Variants in TNNI3K observed in about 807,000 individuals in gnomAD.
The protein encoded by TNNI3K is TNNI3 interacting kinase.
TNNI3K carries 140 observed loss-of-function variants against 114.5 expected under a neutral mutation model. That is an observed-to-expected ratio of 1.22 (90% CI 1.07 to 1.41). TNNI3K has a LOEUF of 1.41. TNNI3K is among the 40% of genes most tolerant of loss of function. The pLI is 0.00. For missense variants in TNNI3K, 1,125 were observed against 1,007.6 expected, an observed-to-expected ratio of 1.12 and a Z score of -1.58; for synonymous variants, 347 against 347.5, an observed-to-expected ratio of 1.00 and a Z score of 0.02.
intron 9 of TNNI3K, among the ~76,000 whole-genome samples, 166 bp from the exon 10 acceptor site, chr1:74,353,100 C>A (rs978521074): frequency 6.6e-6 from 1 of 152,158 alleles, no homozygotes. Flanking sequence ...TGGCTCCACC[C>A]CTCTTAAGTA....
chr1:74,445,832 G>A lies in TNNI3K; in HGVS notation c.2011+6210G>A, dbSNP rs568303499. On this transcript the variant is annotated intron_variant, in intron 20 of 24. Coordinates refer to ENST00000326637, the MANE Select transcript of TNNI3K (RefSeq NM_015978.3). ...TCACCATTTTAGCCAGGATGGTCTC[G>A]ATCTCCTGACCTCGTGATCCGCCCA... Among the ~76,000 whole-genome samples the A allele has an allele frequency of 5.3e-5, 8 of 151,932 alleles. No individual in the cohort carries two copies. The East Asian group carries it at 1.2e-3, about 22-fold the overall frequency.
intron 2 of TNNI3K, among the ~76,000 whole-genome samples, chr1:74,239,006 T>C (rs1372744694): frequency 6.6e-6 from 1 of 152,112 alleles, no homozygotes; most frequent in East Asian, 1.9e-4. Context: ...ATAAAAATGA[T>C]ACTTCTAAAG....
chr1:74,388,705 G>C (rs1663615363), intron 17 of TNNI3K, among the ~76,000 whole-genome samples: 2 of 151,956 alleles, frequency 1.3e-5, no homozygotes, highest in South Asian at 4.2e-4. Flanking sequence ...AAGGAAAACG[G>C]TTCTCATATT....
At chr1:74,322,713 G>A (rs1358714379) in intron 5 of TNNI3K, among the ~76,000 whole-genome samples, 2 of 151,806 alleles carry the variant, frequency 1.3e-5, no homozygotes, top group Non-Finnish European at 2.9e-5. Flanking sequence ...TGCCCACCTC[G>A]GCCTCCCAAA....
chr1:74,449,956 T>G (rs1391130806), intron 20 of TNNI3K, among the ~76,000 whole-genome samples: 2 of 78,488 alleles, frequency 2.5e-5, no homozygotes, highest in Non-Finnish European at 4.9e-5. Flanking sequence ...ATATACATTT[T>G]TTTCAGCACC....
At chr1:74,306,030 G>A (rs1228537631) in intron 5 of TNNI3K, among the ~76,000 whole-genome samples, 1 of 152,118 alleles carries the variant, frequency 6.6e-6, no homozygotes, top group African/African-American at 2.4e-5. Flanking sequence ...CTCACTTTTG[G>A]AAACCTCAGT....
chr1:74,248,110 T>G (rs1654699054), intron 2 of TNNI3K, among the ~76,000 whole-genome samples: 1 of 152,098 alleles, frequency 6.6e-6, no homozygotes, highest in African/African-American at 2.4e-5. Context: ...GGGCTGGCAG[T>G]GCTGGGGGAC....
intron 2 of TNNI3K, chr1:74,240,109 T>A (rs1654098053): frequency 3.2e-6 from 1 of 311,104 alleles, no homozygotes; most frequent in Non-Finnish European, 6.6e-6. Flanking sequence ...CTACATGGTG[T>A]TGTTTTTATC....
intron 21 of TNNI3K, chr1:74,480,388 A>G (rs1249552620): frequency 2.8e-6 from 2 of 717,560 alleles, no homozygotes; most frequent in Non-Finnish European, 5.2e-6. Context: ...GAGCAAGGGG[A>G]TGGAGATCAC....
chr1:74,367,491 T>A, intron 12 of TNNI3K, 149 bp downstream of exon 12: 3 of 809,436 alleles, frequency 3.7e-6, no homozygotes, highest in Non-Finnish European at 5.6e-6. Context: ...ACCTTATGTC[T>A]GGGAGAGGCT....
intron 23 of TNNI3K, among the ~76,000 whole-genome samples, chr1:74,510,625 A>G (rs952745902): frequency 3.3e-5 from 5 of 152,240 alleles, no homozygotes; most frequent in Admixed American, 3.3e-4. Context: ...CAAAACTACC[A>G]ACTACCAGAT....
chr1:74,445,123 G>A (rs1666576777), intron 20 of TNNI3K, among the ~76,000 whole-genome samples: 1 of 151,602 alleles, frequency 6.6e-6, no homozygotes, highest in Non-Finnish European at 1.5e-5. Context: ...CATAGGCATG[G>A]ACAAAGATTT....
At chr1:74,289,375 A>C (rs577773550) in intron 5 of TNNI3K, among the ~76,000 whole-genome samples, 81 of 152,132 alleles carry the variant, frequency 5.3e-4, no homozygotes, top group African/African-American at 1.9e-3. Context: ...AAGTATAAAA[A>C]AAGAATTTGG....
At chr1:74,444,266 G>T (rs911110094) in intron 20 of TNNI3K, among the ~76,000 whole-genome samples, 1 of 152,120 alleles carries the variant, frequency 6.6e-6, no homozygotes, top group Non-Finnish European at 1.5e-5. Context: ...AGACCACATT[G>T]TCTCAGTCCA....
intron 21 of TNNI3K, chr1:74,471,960 A>G (rs1157361689): frequency 3.3e-6 from 2 of 614,134 alleles, no homozygotes; most frequent in Non-Finnish European, 5.9e-6. Flanking sequence ...ACAGTCCACA[A>G]GGATCATCAT....
intron 17 of TNNI3K, among the ~76,000 whole-genome samples, chr1:74,393,205 T>A (rs1226589042): frequency 1.3e-5 from 2 of 152,066 alleles, no homozygotes; most frequent in East Asian, 3.9e-4. Flanking sequence ...TCTCAGATCA[T>A]TAAAGCAGTG....
chr1:74,492,138 A>G lies in TNNI3K; in HGVS notation c.2223A>G (p.Ser741=), dbSNP rs762961584. 1 of 1,611,968 alleles carries G rather than the reference A, an allele frequency of 6.2e-7. No individual in the cohort carries two copies. Reference sequence around the variant, plus strand: ...CAAGTAACAGCAGTGGGTCTCTCTCACCTTCTTCTTCTTCTGATTGCCTGG... The same window carrying G: ...CAAGTAACAGCAGTGGGTCTCTCTCGCCTTCTTCTTCTTCTGATTGCCTGG... ...PASSNSSGSL[S]PSSSSDCLVN... The change falls in exon 23 of 25, where the codon TCA becomes TCG. Residue 741 remains serine (S), a synonymous_variant. Transcript: ENST00000326637.
chr1:74,339,559 A>T (rs2100435693), intron 7 of TNNI3K, among the ~76,000 whole-genome samples: 1 of 152,246 alleles, frequency 6.6e-6, no homozygotes. Flanking sequence ...GAAATCCAGT[A>T]TTTACAGTAT....
At position 74,480,064 on chromosome 1, in the gene TNNI3K, C is replaced by A. The variant is rs1668402773; in HGVS notation, c.2122-9125C>A. ...CTCTCCTTTCCATAGCCCTGGCAAC[C>A]AAGTGTCTGAGATAAGCATCACTTA... On this transcript the variant is annotated intron_variant, in intron 21 of 24. Transcript: ENST00000326637. The A allele has an allele frequency of 6.4e-6, 4 of 623,378 alleles. No individual in the cohort carries two copies. The East Asian group carries it at 1.1e-4, about 17-fold the overall frequency. 38.6% of individuals were successfully genotyped at this position (623,378 alleles called of 1,614,324 possible). A position where few individuals can be genotyped will look rare whatever the true frequency, so the allele number is the denominator to read the frequency against.
Sources: allele counts gnomAD v4.1 joint callset (sites outside exome capture counted in the v4.1 genomes callset), GRCh38; gene constraint gnomAD v4.1.1; transcripts MANE v1.5; gene names NCBI Gene and HGNC (gene_info 2026-07-23, HGNC 2026-07-21).